Variants in CAPN10 observed in about 807,000 individuals in gnomAD.
CAPN10 encodes the protein calpain 10.
A neutral mutation model predicts 78.4 loss-of-function variants in CAPN10; 71 were observed. The observed-to-expected ratio is 0.91, with a 90% confidence interval of 0.75 to 1.10. The LOEUF is 1.10. Among genes scored for constraint, CAPN10 ranks in the 50% least tolerant of loss-of-function variants. The pLI, the probability that CAPN10 is intolerant of heterozygous loss-of-function variation, is 0.00. For missense variants in CAPN10, 849 were observed against 924.6 expected (o/e 0.92, Z 1.06); for synonymous variants, 437 against 407.2 (o/e 1.07, Z -0.88).
At chr2:240,587,446 C>G (rs1196734135) in intron 1 of CAPN10, among the ~76,000 whole-genome samples, 1 of 152,220 alleles carries the variant, frequency 6.6e-6, no homozygotes, top group African/African-American at 2.4e-5. Flanking sequence ...TAGGCCGAGC[C>G]CACAAAGCAA....
chr2:240,589,206 C>G, intron 1 of CAPN10, 137 bp from the exon 2 acceptor site: 3 of 1,139,862 alleles, frequency 2.6e-6, no homozygotes, highest in Non-Finnish European at 3.9e-6. Flanking sequence ...AGGAAACCAC[C>G]TTCCTGTCCC....
At chr2:240,597,100 C>A (rs1384160747) in intron 9 of CAPN10, among the ~76,000 whole-genome samples, 158 bp downstream of exon 9, 2 of 152,280 alleles carry the variant, frequency 1.3e-5, no homozygotes, top group Non-Finnish European at 2.9e-5. Flanking sequence ...GGCCCTCTCC[C>A]ATCTCCAACC....
chr2:240,598,330 C>G (rs1206743755), intron 10 of CAPN10, 22 bp from the exon 11 acceptor site: 1 of 1,613,614 alleles, frequency 6.2e-7, no homozygotes, highest in Non-Finnish European at 8.5e-7. Context: ...TCTGGGAGCG[C>G]TGATCTGGTG....
intron 8 of CAPN10, 55 bp downstream of exon 8, chr2:240,596,576 G>A (rs1286624245): frequency 6.5e-6 from 10 of 1,547,540 alleles, no homozygotes; most frequent in Non-Finnish European, 8.7e-6. Context: ...CCCTTCCAAG[G>A]CAGGATTTGG....
intron 7 of CAPN10, among the ~76,000 whole-genome samples, chr2:240,595,643 G>A (rs961499354): frequency 1.3e-5 from 2 of 152,212 alleles, no homozygotes; most frequent in Non-Finnish European, 2.9e-5. Context: ...TAGAGCCAGC[G>A]GCTGAGGACC....
At chr2:240,587,194 C>T (rs1403963208) in intron 1 of CAPN10, 142 bp downstream of exon 1, 8 of 418,198 alleles carry the variant, frequency 1.9e-5, no homozygotes, top group Admixed American at 4.4e-5. Flanking sequence ...GGCGCCCGGC[C>T]CCCTCTTTTC....
intron 3 of CAPN10, chr2:240,591,266 C>A: frequency 4.2e-6 from 2 of 481,274 alleles, no homozygotes; most frequent in Non-Finnish European, 7.4e-6. Flanking sequence ...CCACAGAGAA[C>A]ATGTGTGCCG....
At position 240,596,688 on chromosome 2, in the gene CAPN10, A is replaced by G; in HGVS notation, c.1489A>G (p.Arg497Gly). 1.3e-6 allele frequency: 2 copies of G among 1,546,746 alleles called. No individual in the cohort carries two copies. The highest frequency in any genetic ancestry group is 8.7e-7 in the Non-Finnish European group (1 of 1,146,372). ...TGTTTGTCTTCTTGGCAGCGCCATC[A>G]GGGCAGTGGCCAAGAACACCACCCC... is the stretch of plus-strand genomic sequence containing the variant. ...STGRVSLSAI[R>G]AVAKNTTPGA... The change falls in exon 9 of 12, where the codon AGG becomes GGG. Residue 497 changes from arginine (R) to glycine (G), a missense_variant. Coordinates refer to ENST00000391984, the MANE Select transcript of CAPN10 (RefSeq NM_023083.4).
Position 240,595,191 on chromosome 2 carries a change from G to A in CAPN10, c.1165G>A (p.Ala389Thr), listed in dbSNP as rs764704125. The change falls in exon 7 of 12, where the codon GCG becomes ACG. Residue 389 changes from alanine (A) to threonine (T), a missense_variant. Physicochemically the swap from Ala to Thr is moderately conservative, Grantham distance 58. Transcript: ENST00000391984. ...IAVLQRSRLH[A>T]ADWAGRARAL... The stretch of plus-strand genomic sequence containing the variant: ...CGTCCTGCAGAGATCCAGGCTGCAC[G>A]CGGCGGACTGGGCAGGCCGGGCCCG... The A allele has an allele frequency of 9.3e-6, 15 of 1,613,670 alleles. No homozygotes were observed. Among genetic ancestry groups the A allele is most frequent in the Admixed American group, 3.3e-5 (2 of 60,002 alleles).
rs772392529 is a variant in CAPN10, at chr2:240,594,711, T to G, written c.997+2T>G. On this transcript the variant is annotated splice_donor_variant, in intron 6 of 11. Coordinates refer to ENST00000391984, the MANE Select transcript of CAPN10 (RefSeq NM_023083.4). LOFTEE classifies it high-confidence loss of function. ...GCCACCTGCAGAGCCTCTACACAGG[T>G]AGTGCCCCGAGGGGCTGTGCTGGGC... 1 of 1,611,792 alleles carries G rather than the reference T, an allele frequency of 6.2e-7. No individual in the cohort carries two copies. The highest frequency in any genetic ancestry group is 2.2e-5 in the East Asian group (1 of 44,824).
At chr2:240,592,197 C>A (rs1304703804) in intron 4 of CAPN10, 47 bp downstream of exon 4, 25 of 1,475,084 alleles carry the variant, frequency 1.7e-5, no homozygotes, top group Non-Finnish European at 2.0e-5. Context: ...GCGTGCCCCC[C>A]ACTGCCAGGC....
rs1158033383 is a variant in CAPN10 at position 240,594,708 on chromosome 2, A to G, written c.996A>G (p.Thr332=). ...TEAGHLQSLY[T]ERLLCHTRAL... ...CCGGCCACCTGCAGAGCCTCTACAC[A>G]GGTAGTGCCCCGAGGGGCTGTGCTG... The change falls in exon 6 of 12, where the codon ACA becomes ACG. Residue 332 remains threonine (T), a splice_region_variant and synonymous_variant. Coordinates refer to ENST00000391984, the MANE Select transcript of CAPN10 (RefSeq NM_023083.4). 2 of 1,612,270 alleles carry G rather than the reference A, an allele frequency of 1.2e-6. No individual in the cohort carries two copies. The highest frequency in any genetic ancestry group is 1.7e-6 in the Non-Finnish European group (2 of 1,179,278).
intron 5 of CAPN10, 33 bp from the exon 6 acceptor site, chr2:240,594,510 G>A: frequency 6.3e-7 from 1 of 1,595,994 alleles, no homozygotes; most frequent in Non-Finnish European, 8.6e-7. Flanking sequence ...CAGTTCTCGG[G>A]AGGGGCTTCT....
intron 1 of CAPN10, among the ~76,000 whole-genome samples, chr2:240,589,017 G>A (rs935427272): frequency 3.3e-5 from 5 of 152,188 alleles, no homozygotes; most frequent in Non-Finnish European, 7.3e-5. Context: ...CCAGCAGGAT[G>A]GAGGACACAT....
intron 11 of CAPN10, 111 bp downstream of exon 11, chr2:240,598,508 T>C: frequency 1.4e-6 from 2 of 1,458,900 alleles, no homozygotes; most frequent in South Asian, 1.2e-5. Context: ...GAGGTGCCCT[T>C]GACTCTTCCT....
At position 240,594,567 on chromosome 2, in the gene CAPN10, T is replaced by TG; in HGVS notation, c.856dup (p.Ala286GlyfsTer6). ...GGGGTGAAGGGTGGAGCCAGGTAGATGCAGCGGTAGCATCTGAGCTCCTGT... is the reference window on the plus strand; with the variant it reads ...GGGGTGAAGGGTGGAGCCAGGTAGATGGCAGCGGTAGCATCTGAGCTCCTGT... On this transcript the variant is annotated frameshift_variant, in exon 6 of 12. Transcript: ENST00000391984. LOFTEE classifies it high-confidence loss of function. The TG allele has an allele frequency of 6.2e-7, 1 of 1,613,688 alleles. No individual in the cohort carries two copies. Among genetic ancestry groups the TG allele is most frequent in the Non-Finnish European group, 8.5e-7 (1 of 1,179,880 alleles).
At chr2:240,597,807 AG>A in intron 9 of CAPN10, 80 bp from the exon 10 acceptor site, 1 of 1,276,300 alleles carries the variant, frequency 7.8e-7, no homozygotes, top group Non-Finnish European at 1.1e-6. Context: ...AAGAGGGCCA[AG>A]GGCATCCGAG....
intron 7 of CAPN10, 186 bp from the exon 8 acceptor site, chr2:240,596,133 C>T: frequency 6.6e-7 from 1 of 1,510,016 alleles, no homozygotes; most frequent in Non-Finnish European, 8.9e-7. Flanking sequence ...GGCGCCAGGG[C>T]CAAGTGAAGC....
intron 8 of CAPN10, 23 bp downstream of exon 8, chr2:240,596,544 G>A: frequency 2.5e-6 from 4 of 1,576,576 alleles, no homozygotes; most frequent in Non-Finnish European, 2.6e-6. Context: ...GCGCAGTGCT[G>A]CTGGCTCTCC....
Sources: allele counts gnomAD v4.1 joint callset (sites outside exome capture counted in the v4.1 genomes callset), GRCh38; gene constraint gnomAD v4.1.1; transcripts MANE v1.5; gene names NCBI Gene and HGNC (gene_info 2026-07-23, HGNC 2026-07-21).